The following CSMD1 variants were observed in gnomAD, a reference collection of about 807,000 sequenced individuals.
CSMD1 encodes the protein CUB and Sushi multiple domains 1.
In CSMD1, 213 loss-of-function variants were observed where a neutral mutation model predicts 417.5. That is an observed-to-expected ratio of 0.51 (90% CI 0.46 to 0.57). The LOEUF is 0.57. Among genes scored for constraint, CSMD1 ranks in the 20% least tolerant of loss-of-function variants. The pLI is 0.00. For synonymous variants in CSMD1, 2,862 were observed against 1,736.8 expected (o/e 1.65, Z -16.11); for missense variants, 6,923 against 4,529.7 (o/e 1.53, Z -15.17).
intron 1 of CSMD1, among the ~76,000 whole-genome samples, chr8:4,669,418 G>C (rs937524363): frequency 2.0e-5 from 3 of 152,156 alleles, no homozygotes; most frequent in Admixed American, 6.5e-5. Context: ...TGAGAAAATA[G>C]TTGTAGTTTT....
chr8:3,746,858 G>A (rs192722684), intron 6 of CSMD1, among the ~76,000 whole-genome samples: 127 of 152,252 alleles, frequency 8.3e-4, no homozygotes, highest in Non-Finnish European at 1.2e-3. Context: ...ATAGGGTGGG[G>A]CTAAGAAATT....
At chr8:3,374,163 C>T (rs538538698) in intron 18 of CSMD1, among the ~76,000 whole-genome samples, 21 of 145,824 alleles carry the variant, frequency 1.4e-4, no homozygotes, top group Middle Eastern at 3.5e-3. Context: ...CTTGTTGTCC[C>T]GGCTAGTCTC....
At chr8:4,017,166 G>A (rs1162165814) in intron 4 of CSMD1, among the ~76,000 whole-genome samples, 1 of 152,170 alleles carries the variant, frequency 6.6e-6, no homozygotes, top group Admixed American at 6.5e-5. Context: ...ACACTTTTGT[G>A]TATGTTGAAG....
At chr8:4,684,483 C>T (rs1484359791) in intron 1 of CSMD1, among the ~76,000 whole-genome samples, 1 of 152,108 alleles carries the variant, frequency 6.6e-6, no homozygotes, top group Non-Finnish European at 1.5e-5. Context: ...TGCTGGATCA[C>T]CCCGGCTGGA....
chr8:3,720,067 C>T (rs2623554), intron 6 of CSMD1, among the ~76,000 whole-genome samples: 103,689 of 152,118 alleles, frequency 0.68, 35,380 homozygotes, highest in Middle Eastern at 0.78. Flanking sequence ...GAAAATACTT[C>T]TCAGAAAATG....
intron 54 of CSMD1, among the ~76,000 whole-genome samples, chr8:2,994,803 G>C (rs555111061): frequency 1.3e-5 from 2 of 151,848 alleles, no homozygotes; most frequent in African/African-American, 4.8e-5. Flanking sequence ...TCCTGATAAT[G>C]TTCCTTTGTA....
intron 24 of CSMD1, 27 bp downstream of exon 24, chr8:3,308,285 C>A: frequency 1.3e-6 from 2 of 1,574,954 alleles, no homozygotes; most frequent in Non-Finnish European, 1.7e-6. Flanking sequence ...GGCTTTTGCA[C>A]AATGGTATGA....
At chr8:4,958,279 A>G (rs916991235) in intron 1 of CSMD1, among the ~76,000 whole-genome samples, 2 of 152,206 alleles carry the variant, frequency 1.3e-5, no homozygotes, top group African/African-American at 4.8e-5. Context: ...GAAAGTGCAC[A>G]TATTTGACAC....
intron 10 of CSMD1, among the ~76,000 whole-genome samples, chr8:3,546,368 C>G (rs1048943700): frequency 3.3e-5 from 5 of 151,888 alleles, no homozygotes; most frequent in African/African-American, 1.2e-4. Context: ...ATCCCCATCT[C>G]TACTAAAAAT....
At chr8:4,889,355 A>C (rs946989198) in intron 1 of CSMD1, among the ~76,000 whole-genome samples, 1 of 152,152 alleles carries the variant, frequency 6.6e-6, no homozygotes, top group African/African-American at 2.4e-5. Flanking sequence ...CAAATGTGTC[A>C]ACCTCTTGAA....
intron 33 of CSMD1, among the ~76,000 whole-genome samples, chr8:3,197,627 G>A (rs370054312): frequency 1.1e-4 from 16 of 151,378 alleles, no homozygotes; most frequent in South Asian, 2.1e-4. Flanking sequence ...CACCACGCCC[G>A]GCTAATTTTT....
chr8:4,484,766 G>A (rs543268495), intron 2 of CSMD1, among the ~76,000 whole-genome samples: 10 of 152,020 alleles, frequency 6.6e-5, no homozygotes, highest in African/African-American at 2.4e-4. Flanking sequence ...TCAGGAGATC[G>A]AGACCATCCT....
chr8:3,203,615 T>TA (rs1797103240), intron 31 of CSMD1, among the ~76,000 whole-genome samples: 1 of 151,980 alleles, frequency 6.6e-6, no homozygotes, highest in Non-Finnish European at 1.5e-5. Context: ...ACTCCGTGGA[T>TA]AAAAAACAAA....
intron 1 of CSMD1, among the ~76,000 whole-genome samples, chr8:4,721,622 T>A (rs1809056990): frequency 6.6e-6 from 1 of 152,184 alleles, no homozygotes; most frequent in Admixed American, 6.6e-5. Flanking sequence ...TATAGATTGG[T>A]ATAGCCAATA....
intron 5 of CSMD1, among the ~76,000 whole-genome samples, chr8:3,837,369 A>G (rs1028567396): frequency 6.6e-6 from 1 of 152,178 alleles, no homozygotes; most frequent in Non-Finnish European, 1.5e-5. Context: ...TTAAGCCACT[A>G]AATGGTCTGC....
In CSMD1 at chr8:3,395,363, G is replaced by C. The variant is rs185730425; in HGVS notation, c.2593+831C>G. ...GGGAAGTGTTTTCAAACAGAGAAAAGAATAACAGCTGCTTTGCTTTGTTTT... is the reference window on the plus strand; with the variant it reads ...GGGAAGTGTTTTCAAACAGAGAAAACAATAACAGCTGCTTTGCTTTGTTTT... On this transcript the variant is annotated intron_variant, in intron 17 of 69. Coordinates refer to ENST00000635120, the MANE Select transcript of CSMD1 (RefSeq NM_033225.6). Among the ~76,000 whole-genome samples, 2 of 152,244 alleles carry C rather than the reference G, an allele frequency of 1.3e-5. 1 individual carries two copies. Among genetic ancestry groups the C allele is most frequent in the African/African-American group, 4.8e-5 (2 of 41,558 alleles).
chr8:3,465,567 C>A (rs1816751199), intron 12 of CSMD1, among the ~76,000 whole-genome samples: 1 of 152,018 alleles, frequency 6.6e-6, no homozygotes, highest in Non-Finnish European at 1.5e-5. Flanking sequence ...CAACAGTGCC[C>A]AAGGTAGCAG....
Position 4,299,295 on chromosome 8 carries a change from C to T in CSMD1, c.415+120658G>A, listed in dbSNP as rs149719651. ...ATAAGATAAAGTTTTTCTTCACCCC[C>T]ATCACCCCCAGAGAACGCACTTTTT... On this transcript the variant is annotated intron_variant, in intron 3 of 69. Transcript: ENST00000635120. 3.7e-3 allele frequency among the ~76,000 whole-genome samples: 569 copies of T among 152,220 alleles called. 4 individuals are homozygous for T. The highest frequency in any genetic ancestry group is 0.024 in the South Asian group (115 of 4,820).
chr8:4,103,809 T>C (rs1201096199), intron 3 of CSMD1, among the ~76,000 whole-genome samples: 1 of 152,182 alleles, frequency 6.6e-6, no homozygotes, highest in Non-Finnish European at 1.5e-5. Context: ...AAAGGGTAAA[T>C]TCCATGACAG....
Sources: gnomAD v4.1 joint callset for allele counts (sites outside exome capture counted in the v4.1 genomes callset) on GRCh38, gnomAD v4.1.1 for gene constraint, MANE v1.5 for transcripts, NCBI Gene and HGNC (gene_info 2026-07-23, HGNC 2026-07-21) for gene names.